The following TMEM117 variants were observed in gnomAD, a reference collection of about 807,000 sequenced individuals.
TMEM117 encodes transmembrane protein 117.
Under a neutral mutation model 52.4 loss-of-function variants are expected in TMEM117, and 27 were observed. That is an observed-to-expected ratio of 0.51 (90% CI 0.38 to 0.71). TMEM117 has a LOEUF of 0.71. Among genes scored for constraint, TMEM117 ranks in the 30% least tolerant of loss-of-function variants. The pLI is 0.00. For missense variants in TMEM117, 556 were observed against 630.5 expected (o/e 0.88, Z 1.26); for synonymous variants, 215 against 206.3 (o/e 1.04, Z -0.36).
In TMEM117 at chr12:44,228,749, G is replaced by T. The variant is rs181923118; in HGVS notation, c.608+17362G>T. 4.1e-4 allele frequency among the ~76,000 whole-genome samples: 63 copies of T among 152,084 alleles called. 1 individual carries two copies. The highest frequency in any genetic ancestry group is 7.9e-4 in the Non-Finnish European group (54 of 67,954). On this transcript the variant is annotated intron_variant, in intron 5 of 7. Coordinates refer to ENST00000266534, the MANE Select transcript of TMEM117 (RefSeq NM_032256.3). Reference sequence around the variant, plus strand: ...TGGGGATATGCTTGGCATGTTCCAAGAATAGAAAAAAAGGCCAGCATATCC... The same window carrying T: ...TGGGGATATGCTTGGCATGTTCCAATAATAGAAAAAAAGGCCAGCATATCC...
At chr12:44,247,247 G>A (rs955794477) in intron 5 of TMEM117, among the ~76,000 whole-genome samples, 1 of 152,068 alleles carries the variant, frequency 6.6e-6, no homozygotes, top group Non-Finnish European at 1.5e-5. Context: ...AGTCTGTATG[G>A]TACTAACTAG....
intron 2 of TMEM117, among the ~76,000 whole-genome samples, chr12:43,866,861 C>T (rs1172776947): frequency 1.3e-5 from 2 of 152,156 alleles, no homozygotes; most frequent in East Asian, 1.9e-4. Flanking sequence ...GAGGCTGAGG[C>T]GGGTGGATCA....
intron 5 of TMEM117, chr12:44,248,956 C>T (rs1443192485): frequency 6.6e-6 from 1 of 152,396 alleles, no homozygotes; most frequent in East Asian, 1.9e-4. Flanking sequence ...TCCTTCTGCT[C>T]AGGCTCATCT....
At chr12:44,264,231 C>G (rs766464774) in intron 5 of TMEM117, among the ~76,000 whole-genome samples, 2 of 152,102 alleles carry the variant, frequency 1.3e-5, no homozygotes, top group Non-Finnish European at 2.9e-5. Flanking sequence ...CCTGGATGAT[C>G]TCCCACTAGC....
chr12:43,854,754 A>G (rs1943370941), intron 2 of TMEM117, among the ~76,000 whole-genome samples: 1 of 151,972 alleles, frequency 6.6e-6, no homozygotes, highest in Non-Finnish European at 1.5e-5. Flanking sequence ...CTCCTGCCTC[A>G]GCCTCCTGAG....
chr12:44,055,946 CT>C (rs1193891319), intron 3 of TMEM117, among the ~76,000 whole-genome samples: 52 of 152,036 alleles, frequency 3.4e-4, no homozygotes, highest in African/African-American at 1.1e-3. Flanking sequence ...GCTTTTTATT[CT>C]TTTAAACACT....
intron 2 of TMEM117, among the ~76,000 whole-genome samples, chr12:43,916,160 G>A (rs1433144359): frequency 6.6e-6 from 1 of 152,156 alleles, no homozygotes; most frequent in Non-Finnish European, 1.5e-5. Flanking sequence ...AAGGGGAAAT[G>A]GAATGGAGAG....
At chr12:44,094,598 A>G (rs1435432582) in intron 3 of TMEM117, among the ~76,000 whole-genome samples, 2 of 152,102 alleles carry the variant, frequency 1.3e-5, no homozygotes, top group Non-Finnish European at 2.9e-5. Context: ...GCATAAATCA[A>G]TCGACACAAA....
intron 6 of TMEM117, among the ~76,000 whole-genome samples, chr12:44,333,468 C>T (rs1951299734): frequency 6.6e-6 from 1 of 151,934 alleles, no homozygotes. Context: ...GTGGGAGGGA[C>T]ATGGTGGGCA....
At chr12:44,212,980 G>C (rs184603424) in intron 5 of TMEM117, among the ~76,000 whole-genome samples, 2 of 152,274 alleles carry the variant, frequency 1.3e-5, no homozygotes, top group African/African-American at 4.8e-5. Context: ...TTATGAAAAT[G>C]AATATGATTT....
intron 6 of TMEM117, among the ~76,000 whole-genome samples, chr12:44,336,693 T>A (rs535886163): frequency 6.6e-6 from 1 of 152,054 alleles, no homozygotes; most frequent in African/African-American, 2.4e-5. Flanking sequence ...AAAGCCTGTT[T>A]TAAAAAAAAC....
intron 5 of TMEM117, among the ~76,000 whole-genome samples, chr12:44,272,742 C>G (rs1464339282): frequency 6.6e-6 from 1 of 152,066 alleles, no homozygotes; most frequent in East Asian, 1.9e-4. Flanking sequence ...AGAGGATGTG[C>G]AGAAATAGGA....
chr12:44,319,146 G>C lies in TMEM117; in HGVS notation c.768+19407G>C, dbSNP rs1592690365. ...TCTACTCAGCACCAGAGCAAGCTCT[G>C]CAATCTCTGATCCAAGACTATAATG... On this transcript the variant is annotated intron_variant, in intron 6 of 7. Coordinates refer to ENST00000266534, the MANE Select transcript of TMEM117 (RefSeq NM_032256.3). 2.0e-5 allele frequency among the ~76,000 whole-genome samples: 3 copies of C among 152,278 alleles called. No homozygotes were observed. The South Asian group carries it at 6.2e-4, about 32-fold the overall frequency.
At chr12:44,280,374 T>A (rs1950563182) in intron 5 of TMEM117, among the ~76,000 whole-genome samples, 1 of 152,230 alleles carries the variant, frequency 6.6e-6, no homozygotes, top group African/African-American at 2.4e-5. Flanking sequence ...TATCTGCCAT[T>A]CTTCTCCCAT....
chr12:43,874,555 C>T (rs894504460), intron 2 of TMEM117, among the ~76,000 whole-genome samples: 35 of 152,200 alleles, frequency 2.3e-4, no homozygotes, highest in African/African-American at 7.7e-4. Context: ...TGCGCCACTG[C>T]ACTCCAGCCT....
chr12:44,376,483 G>C lies in TMEM117; in HGVS notation c.769-112G>C, dbSNP rs761555329. The C allele has an allele frequency of 2.9e-5, 36 of 1,258,266 alleles. No individual in the cohort carries two copies. The South Asian group carries it at 4.5e-4, about 16-fold the overall frequency. 77.9% of individuals were successfully genotyped at this position (1,258,266 alleles called of 1,614,324 possible). A position where few individuals can be genotyped will look rare whatever the true frequency, so the allele number is the denominator to read the frequency against. ...AATGAAACTGATATATCCAACAGCT[G>C]GCTGCATTTAAATGATTTTAAAATA... On this transcript the variant is annotated intron_variant, in intron 6 of 7. Transcript: ENST00000266534.
chr12:44,279,599 C>T (rs1376470765), intron 5 of TMEM117, among the ~76,000 whole-genome samples: 2 of 151,336 alleles, frequency 1.3e-5, no homozygotes, highest in African/African-American at 2.4e-5. Flanking sequence ...CTGCAACCTC[C>T]GCATCCCAGG....
chr12:43,907,288 G>C (rs1944409773), intron 2 of TMEM117, among the ~76,000 whole-genome samples: 1 of 151,728 alleles, frequency 6.6e-6, no homozygotes, highest in South Asian at 2.1e-4. Flanking sequence ...CGAGGGTCCT[G>C]TCTGTTAGAA....
At chr12:44,259,926 G>A (rs1209113357) in intron 5 of TMEM117, among the ~76,000 whole-genome samples, 4 of 152,030 alleles carry the variant, frequency 2.6e-5, no homozygotes, top group African/African-American at 7.2e-5. Context: ...AGAACCAATC[G>A]TTTCTTATTT....
Sources: gnomAD v4.1 joint callset for allele counts (sites outside exome capture counted in the v4.1 genomes callset) on GRCh38, gnomAD v4.1.1 for gene constraint, MANE v1.5 for transcripts, NCBI Gene and HGNC (gene_info 2026-07-23, HGNC 2026-07-21) for gene names.